THTPA: variants seen among roughly 807,000 people sequenced by gnomAD.
THTPA encodes thiamine-triphosphatase.
In THTPA, 16 loss-of-function variants were observed where a neutral mutation model predicts 16.5. That is an observed-to-expected ratio of 0.97 (90% CI 0.66 to 1.47). The LOEUF (loss-of-function observed/expected upper bound fraction) is 1.47, where lower values mean the gene tolerates loss of function less well. THTPA is among the 40% of genes most tolerant of loss of function. The pLI, the probability that THTPA is intolerant of heterozygous loss-of-function variation, is 0.00. For synonymous variants in THTPA, 110 were observed against 115.5 expected, an observed-to-expected ratio of 0.95 and a Z score of 0.30; for missense variants, 281 against 280.9, an observed-to-expected ratio of 1.00 and a Z score of 0.00.
chr14:23,532,764 G>C, the THTPA span: 1 of 1,536,290 alleles, frequency 6.5e-7, no homozygotes, highest in Admixed American at 2.0e-5. Context: ...TGGGCTGCCA[G>C]CTGGTACTTC....
chr14:23,530,034 G>C, the THTPA span: 1 of 1,316,430 alleles, frequency 7.6e-7, no homozygotes, highest in Non-Finnish European at 1.1e-6. Flanking sequence ...CTTGAGCACA[G>C]ACATTGCTGG....
upstream of THTPA, among the ~76,000 whole-genome samples, chr14:23,552,987 C>T (rs1291182865): frequency 6.6e-6 from 1 of 152,200 alleles, no homozygotes; most frequent in African/African-American, 2.4e-5. Context: ...GTTTACTCCT[C>T]TCAATACCTC....
chr14:23,533,319 G>C, the THTPA span: 1 of 1,438,426 alleles, frequency 7.0e-7, no homozygotes, highest in Admixed American at 2.9e-5. This position sits in a 1 kb window ranked among gnomAD's most constrained non-coding sequence, Gnocchi z 4.8. Flanking sequence ...GTGCTCCTAC[G>C]TGGTGGAAAC....
chr14:23,531,534 A>C, the THTPA span: 1 of 1,511,716 alleles, frequency 6.6e-7, no homozygotes, highest in Non-Finnish European at 8.8e-7. Context: ...AAGAGCTGCG[A>C]GTCCTTCCTC....
At chr14:23,529,840 G>T in the THTPA span, 1 of 1,461,140 alleles carries the variant, frequency 6.8e-7, no homozygotes. Flanking sequence ...AGAGCTTCCA[G>T]GGTAGGGAGT....
In THTPA at chr14:23,556,959, G is replaced by A. The variant is rs138467142; in HGVS notation, c.202G>A (p.Gly68Arg). The A allele has an allele frequency of 1.7e-4, 267 of 1,614,060 alleles. No individual in the cohort carries two copies. Among genetic ancestry groups the A allele is most frequent in the Non-Finnish European group, 2.2e-4 (265 of 1,180,036 alleles). Residue 68 changes from glycine (G) to arginine (R), a missense_variant, in exon 1 of 2, where the codon GGA becomes AGA. By Grantham distance (125) the Gly-to-Arg change is moderately radical. Transcript: ENST00000288014. ...TAGTGGATGGGAGCTCAAATGTCCT[G>A]GAGCAGCAGGTGTCTTAGGACCCCA... ...EDSGWELKCPGAAGVLGPHTE... is the reference protein window; with the variant it reads ...EDSGWELKCPRAAGVLGPHTE...
At chr14:23,544,236 C>T in the THTPA span, 1 of 139,876 alleles carries the variant, frequency 7.1e-6, no homozygotes, top group South Asian at 2.2e-4. Flanking sequence ...GCCTGGGTGA[C>T]AGAGTGAGAC....
chr14:23,534,297 G>A, the THTPA span: 15 of 1,534,538 alleles, frequency 9.8e-6, no homozygotes, highest in Non-Finnish European at 1.3e-5. The surrounding 1 kb of genome is among the most constrained non-coding windows in gnomAD (Gnocchi z 4.5). Context: ...AGGGTGGGCT[G>A]AGGGCCATAA....
chr14:23,526,817 C>A, the THTPA span: 1 of 1,523,262 alleles, frequency 6.6e-7, no homozygotes, highest in Non-Finnish European at 8.8e-7. Context: ...TTTCCTGGTA[C>A]CTTGGGAGGT....
upstream of THTPA, among the ~76,000 whole-genome samples, chr14:23,555,148 C>T (rs1379534989): frequency 6.6e-6 from 1 of 152,048 alleles, no homozygotes; most frequent in Non-Finnish European, 1.5e-5. Flanking sequence ...CCACCATGCC[C>T]GGCTCATTTT....
chr14:23,531,779 G>T, the THTPA span: 1 of 1,272,626 alleles, frequency 7.9e-7, no homozygotes, highest in South Asian at 3.0e-5. Context: ...GACCTCAGGG[G>T]ACTTTTTTTT....
At chr14:23,524,399 CCCCCTGCTT>C in the THTPA span, 1 of 1,536,220 alleles carries the variant, frequency 6.5e-7, no homozygotes, top group Non-Finnish European at 8.7e-7. This position sits in a 1 kb window ranked among gnomAD's most constrained non-coding sequence, Gnocchi z 5.6. Flanking sequence ...CTCCCCTCCT[CCCCCTGCTT>C]CACTGCCTGT....
At chr14:23,523,145 C>T in the THTPA span, 4 of 1,404,092 alleles carry the variant, frequency 2.8e-6, no homozygotes, top group Non-Finnish European at 3.7e-6. This position sits in a 1 kb window ranked among gnomAD's most constrained non-coding sequence, Gnocchi z 4.1. Flanking sequence ...AAAGGAAGGG[C>T]ATGTCATTAG....
At chr14:23,529,525 T>A in the THTPA span, 1 of 617,816 alleles carries the variant, frequency 1.6e-6, no homozygotes. Context: ...TTGACCCTGC[T>A]GGGCCAGCTC....
chr14:23,525,290 G>A, the THTPA span: 1 of 1,536,116 alleles, frequency 6.5e-7, no homozygotes, highest in Non-Finnish European at 8.7e-7. This position sits in a 1 kb window ranked among gnomAD's most constrained non-coding sequence, Gnocchi z 5.9. Flanking sequence ...GACCAGGAAG[G>A]GTGGGCCCAG....
the THTPA span, chr14:23,512,712 G>GTA: frequency 6.9e-6 from 1 of 143,912 alleles, no homozygotes; most frequent in African/African-American, 2.8e-5. Context: ...AAATATATAT[G>GTA]TGTGTGTGTG....
chr14:23,555,437 C>T (rs550295285), upstream of THTPA, among the ~76,000 whole-genome samples: 1 of 152,344 alleles, frequency 6.6e-6, no homozygotes, highest in South Asian at 2.1e-4. Flanking sequence ...CTTCTCCTTA[C>T]GTACCACCCA....
At chr14:23,521,324 G>A in the THTPA span, 1 of 152,594 alleles carries the variant, frequency 6.6e-6, no homozygotes, top group Non-Finnish European at 1.5e-5. Context: ...TTTGGTTAGA[G>A]TTTTGTGGGC....
the THTPA span, chr14:23,532,653 T>A: frequency 6.7e-7 from 1 of 1,484,078 alleles, no homozygotes; most frequent in Non-Finnish European, 8.9e-7. Context: ...AAGTCACAGA[T>A]GTTGCAGCGC....
Sources: gnomAD v4.1 joint callset for allele counts (sites outside exome capture counted in the v4.1 genomes callset) on GRCh38, gnomAD v4.1.1 for gene constraint, Gnocchi (gnomAD v3.1) non-coding constraint, MANE v1.5 for transcripts, NCBI Gene and HGNC (gene_info 2026-07-23, HGNC 2026-07-21) for gene names.